Variants in PMS2 observed in about 807,000 individuals in gnomAD.
PMS2 encodes mismatch repair endonuclease PMS2.
PMS2 carries 69 observed loss-of-function variants against 90.0 expected under a neutral mutation model. The observed-to-expected ratio is 0.77, with a 90% CI of 0.63 to 0.94. The LOEUF (loss-of-function observed/expected upper bound fraction) is 0.94, where lower values mean the gene tolerates loss of function less well. Ranked by LOEUF, PMS2 falls within the 40% of genes least tolerant of loss-of-function variation. PMS2 has a pLI of 0.00. For synonymous variants in PMS2, 332 were observed against 375.1 expected (o/e 0.89, Z 1.33); for missense variants, 966 against 1,040.2 (o/e 0.93, Z 0.98).
At chr7:6,004,811 C>T (rs1172932324) in intron 2 of PMS2, among the ~76,000 whole-genome samples, 1 of 151,994 alleles carries the variant, frequency 6.6e-6, no homozygotes, top group African/African-American at 2.4e-5. Flanking sequence ...ATTTCCTATC[C>T]CCTAATTTCC....
chr7:5,993,222 T>C (rs951806487), intron 8 of PMS2, among the ~76,000 whole-genome samples: 42 of 151,656 alleles, frequency 2.8e-4, no homozygotes, highest in African/African-American at 9.7e-4. Flanking sequence ...ATACAAAAAA[T>C]TAGCCAGGCA....
At chr7:6,003,323 AT>A (rs2128823361) in intron 4 of PMS2, 1 of 150,264 alleles carries the variant, frequency 6.7e-6, no homozygotes, top group East Asian at 2.0e-4. Context: ...ATATATATAT[AT>A]AATTATTTAT....
At position 6,003,794 on chromosome 7, in the gene PMS2, T is replaced by A. The variant is rs587779340; in HGVS notation, c.251-2A>T. On this transcript the variant is annotated splice_acceptor_variant, in intron 3 of 14. Transcript: ENST00000265849. LOFTEE classifies it high-confidence loss of function. ...TCTTAGATGTGTGATGTTTCAGAGC[T>A]GAAAGAGAGTGTAAAGTAAGGACTA... The A allele has an allele frequency of 4.4e-6, 7 of 1,582,534 alleles. No individual in the cohort carries two copies. Among genetic ancestry groups the A allele is most frequent in the Non-Finnish European group, 6.1e-6 (7 of 1,155,466 alleles).
chr7:5,989,535 T>G (rs1783478400), intron 10 of PMS2, among the ~76,000 whole-genome samples: 1 of 151,968 alleles, frequency 6.6e-6, no homozygotes, highest in Admixed American at 6.6e-5. Flanking sequence ...TACAAAAAAC[T>G]AGAGGTACTT....
At chr7:6,000,002 A>T (rs1439731942) in intron 5 of PMS2, among the ~76,000 whole-genome samples, 2 of 152,196 alleles carry the variant, frequency 1.3e-5, no homozygotes, top group Non-Finnish European at 2.9e-5. Flanking sequence ...ATTATGGTAT[A>T]GCCATAGCGC....
In PMS2 at chr7:5,992,026, A is replaced by C; in HGVS notation, c.935T>G (p.Met312Arg). Residue 312 changes from methionine to arginine, a missense_variant, in exon 9 of 15, where the codon ATG becomes AGG. Physicochemically the swap from Met to Arg is moderately conservative, Grantham distance 91. Transcript: ENST00000265849. ...VCRLVNEVYHMYNRHQYPFVV... is the reference protein window; with the variant it reads ...VCRLVNEVYHRYNRHQYPFVV... Reference sequence around the variant, plus strand: ...AAATGGATACTGGTGTCGATTATACATGTGGTAGACCTCATTCACGAGTCT... The same window carrying C: ...AAATGGATACTGGTGTCGATTATACCTGTGGTAGACCTCATTCACGAGTCT... 6.2e-7 allele frequency: 1 copy of C among 1,601,514 alleles called. No individual in the cohort carries two copies. The highest frequency in any genetic ancestry group is 8.6e-7 in the Non-Finnish European group (1 of 1,168,578).
chr7:5,989,016 C>T (rs12531177), intron 10 of PMS2, among the ~76,000 whole-genome samples: 54,295 of 151,730 alleles, frequency 0.36, 9,942 homozygotes, highest in Non-Finnish European at 0.4. Context: ...CCACCACGCC[C>T]GGCTAATTTT....
At chr7:6,002,082 T>A in intron 5 of PMS2, 2 of 241,354 alleles carry the variant, frequency 8.3e-6, no homozygotes, top group Non-Finnish European at 1.6e-5. Flanking sequence ...CAGTCTTAAG[T>A]GCAGTGGCGC....
At chr7:6,007,028 G>A (rs1043360740) in intron 1 of PMS2, among the ~76,000 whole-genome samples, 2 of 151,756 alleles carry the variant, frequency 1.3e-5, no homozygotes, top group Non-Finnish European at 1.5e-5. Flanking sequence ...TCATCATTGG[G>A]GCCAAAACTA....
intron 14 of PMS2, among the ~76,000 whole-genome samples, chr7:5,977,056 G>GT (rs1341095756): frequency 5.7e-5 from 8 of 140,286 alleles, no homozygotes; most frequent in Admixed American, 1.4e-4. Flanking sequence ...AGAATTCTGG[G>GT]TTTTTTTTGT....
At chr7:6,008,906 T>C (rs1786224024) in intron 1 of PMS2, 91 bp downstream of exon 1, 3 of 1,493,634 alleles carry the variant, frequency 2.0e-6, no homozygotes, top group South Asian at 1.1e-5. Flanking sequence ...GCCTCGGCCA[T>C]GTTCCCCCCA....
intron 6 of PMS2, among the ~76,000 whole-genome samples, chr7:5,997,862 G>A (rs1181730875): frequency 6.6e-6 from 1 of 152,066 alleles, no homozygotes; most frequent in Non-Finnish European, 1.5e-5. Context: ...CCAGAGTGCT[G>A]GGATTACATG....
At chr7:5,992,355 TG>T (rs932953848) in intron 8 of PMS2, among the ~76,000 whole-genome samples, 32 of 151,512 alleles carry the variant, frequency 2.1e-4, no homozygotes, top group Non-Finnish European at 4.4e-4. Flanking sequence ...GTCTCGCTCT[TG>T]TTACCCAGAC....
chr7:5,983,931 C>T (rs1282612742), intron 11 of PMS2, among the ~76,000 whole-genome samples: 3 of 151,844 alleles, frequency 2.0e-5, no homozygotes, highest in Admixed American at 1.3e-4. Context: ...GGATTACAGG[C>T]GTGAGCCACC....
At chr7:6,008,779 C>T (rs931351751) in intron 1 of PMS2, among the ~76,000 whole-genome samples, 1 of 152,158 alleles carries the variant, frequency 6.6e-6, no homozygotes, top group Non-Finnish European at 1.5e-5. Flanking sequence ...ATCCTTTGCC[C>T]GCAGCCCAGG....
At chr7:5,985,547 TTTTC>T (rs1293598331) in intron 11 of PMS2, among the ~76,000 whole-genome samples, 1 of 151,154 alleles carries the variant, frequency 6.6e-6, no homozygotes, top group East Asian at 1.9e-4. Context: ...TTTTTTTCTT[TTTTC>T]TTTTTCTTTT....
At position 5,972,670 on chromosome 7, in the gene PMS2, G is replaced by C; in HGVS notation, c.*729C>G. Among the ~76,000 whole-genome samples the C allele has an allele frequency of 1.2e-5, 1 of 83,174 alleles. No homozygotes were observed. The highest frequency in any genetic ancestry group is 4.5e-4 in the South Asian group (1 of 2,222). The allele number at this position is 83,174 out of a possible 152,430, so 54.6% of individuals were successfully genotyped here. On this transcript the variant is annotated 3_prime_UTR_variant, in exon 15 of 15. Transcript: ENST00000265849. ...TCCCCCGTGTTTAAAAATTTAATGT[G>C]AATCAGGGCTGAGAATCACTAACTG... is the stretch of plus-strand genomic sequence containing the variant.
chr7:5,992,813 T>C (rs1160591215), intron 8 of PMS2, among the ~76,000 whole-genome samples: 7 of 152,210 alleles, frequency 4.6e-5, no homozygotes, highest in African/African-American at 1.7e-4. Context: ...TCTCTAATCA[T>C]AGATTCCTAA....
chr7:6,006,899 A>C (rs548861874), intron 1 of PMS2, among the ~76,000 whole-genome samples: 1 of 152,198 alleles, frequency 6.6e-6, no homozygotes, highest in South Asian at 2.1e-4. Context: ...TCCCTGCTCC[A>C]ATACATCCTC....
Sources: allele counts gnomAD v4.1 joint callset (sites outside exome capture counted in the v4.1 genomes callset), GRCh38; gene constraint gnomAD v4.1.1; transcripts MANE v1.5; gene names NCBI Gene and HGNC (gene_info 2026-07-23, HGNC 2026-07-21).